Variants in NDUFS4 observed in about 807,000 individuals in gnomAD.
NDUFS4 encodes the protein NADH:ubiquinone oxidoreductase subunit S4, also known as NADH dehydrogenase [ubiquinone] iron-sulfur protein 4, mitochondrial.
In NDUFS4, 28 loss-of-function variants were observed where a neutral mutation model predicts 24.3. The ratio of observed to expected loss-of-function variants is 1.15; its 90% CI spans 0.85 to 1.58. The LOEUF is 1.58. NDUFS4 is among the 40% of genes most tolerant of loss of function. NDUFS4 has a pLI of 0.00. For missense variants in NDUFS4, 223 were observed against 207.9 expected (o/e 1.07, Z -0.45); for synonymous variants, 93 against 69.7 (o/e 1.34, Z -1.67).
At chr5:53,563,568 C>G (rs1222131422) in intron 1 of NDUFS4, among the ~76,000 whole-genome samples, 1 of 151,552 alleles carries the variant, frequency 6.6e-6, no homozygotes, top group African/African-American at 2.4e-5. Context: ...GTGGCACAAT[C>G]TCAGTTCACT....
chr5:53,675,969 T>C (rs77442096), intron 4 of NDUFS4, among the ~76,000 whole-genome samples: 3,194 of 152,282 alleles, frequency 0.021, 119 homozygotes, highest in African/African-American at 0.072. Context: ...GATAAATCTA[T>C]AGGATGTCTC....
chr5:53,580,946 G>T (rs544284865), intron 1 of NDUFS4, among the ~76,000 whole-genome samples: 7 of 151,958 alleles, frequency 4.6e-5, no homozygotes, highest in Non-Finnish European at 4.4e-5. Flanking sequence ...CGATTCTCCT[G>T]CCCCAGCCTC....
chr5:53,616,391 G>A (rs1316745908), intron 2 of NDUFS4, among the ~76,000 whole-genome samples: 1 of 152,120 alleles, frequency 6.6e-6, no homozygotes, highest in Non-Finnish European at 1.5e-5. Flanking sequence ...GCTAGGTGAT[G>A]AGACAGAGAA....
At chr5:53,571,548 G>C (rs62370038) in intron 1 of NDUFS4, among the ~76,000 whole-genome samples, 35 of 152,166 alleles carry the variant, frequency 2.3e-4, no homozygotes, top group Non-Finnish European at 4.6e-4. Context: ...ATACCTCGGA[G>C]TAGAATTGCA....
chr5:53,639,566 G>A (rs112081593), intron 2 of NDUFS4, among the ~76,000 whole-genome samples: 1 of 151,870 alleles, frequency 6.6e-6, no homozygotes, highest in Non-Finnish European at 1.5e-5. Flanking sequence ...TTGACATCTT[G>A]TATAAAATGT....
At chr5:53,576,948 T>C (rs1325778962) in intron 1 of NDUFS4, among the ~76,000 whole-genome samples, 1 of 152,132 alleles carries the variant, frequency 6.6e-6, no homozygotes, top group Non-Finnish European at 1.5e-5. Context: ...GAACATCTGT[T>C]TTGAGGATTA....
intron 1 of NDUFS4, chr5:53,573,801 A>G (rs1281114985): frequency 8.4e-6 from 2 of 238,436 alleles, no homozygotes; most frequent in Middle Eastern, 7.0e-4. Context: ...TATATTGCCC[A>G]TGCTTGTCTC....
chr5:53,561,024 T>C (rs1160755029), intron 1 of NDUFS4, among the ~76,000 whole-genome samples: 1 of 152,158 alleles, frequency 6.6e-6, no homozygotes, highest in Non-Finnish European at 1.5e-5. Flanking sequence ...AGAGGGTCCG[T>C]GGAGGTTTTG....
rs576255851 is a variant in NDUFS4, at chr5:53,667,425, A to G, written c.424+8801A>G. Among the ~76,000 whole-genome samples the G allele has an allele frequency of 8.0e-5, 12 of 150,638 alleles. No individual in the cohort carries two copies. The East Asian group carries it at 1.6e-3, about 20-fold the overall frequency. On this transcript the variant is annotated intron_variant, in intron 4 of 4. Coordinates refer to ENST00000296684, the MANE Select transcript of NDUFS4 (RefSeq NM_002495.4). ...GGTTGCAGTGAGCTGAGATCGTGCCATTGCACTCCAGCCTGGGCAACAAGC... is the reference window on the plus strand; with the variant it reads ...GGTTGCAGTGAGCTGAGATCGTGCCGTTGCACTCCAGCCTGGGCAACAAGC...
At position 53,591,243 on chromosome 5, in the gene NDUFS4, G is replaced by A. The variant is rs546411301; in HGVS notation, c.99-12209G>A. Among the ~76,000 whole-genome samples the A allele has an allele frequency of 3.3e-5, 5 of 152,246 alleles. No individual in the cohort carries two copies. In the East Asian group the frequency reaches 7.7e-4, roughly 24 times the overall value. On this transcript the variant is annotated intron_variant, in intron 1 of 4. Transcript: ENST00000296684. The stretch of plus-strand genomic sequence containing the variant: ...GAATAATGCTGCTATAATCATGAGT[G>A]TACAGATATCTGTTCTAGTCCCTGC...
intron 1 of NDUFS4, among the ~76,000 whole-genome samples, chr5:53,599,977 A>G (rs548820745): frequency 1.6e-4 from 25 of 151,934 alleles, no homozygotes; most frequent in Non-Finnish European, 3.2e-4. Flanking sequence ...CTTTGTAGGT[A>G]TAATTTTTAT....
chr5:53,635,205 A>AAAT lies in NDUFS4; in HGVS notation c.178-11025_178-11023dup, dbSNP rs1349921306. Among the ~76,000 whole-genome samples the AAAT allele has an allele frequency of 2.0e-5, 3 of 151,668 alleles. No individual in the cohort carries two copies. In the East Asian group the frequency reaches 5.8e-4, roughly 29 times the overall value. Reference sequence around the variant, plus strand: ...AACTCTGTTAAATAAATAAATAAATAAATAAATAACCAACCAACCAACCAA... The same window carrying AAAT: ...AACTCTGTTAAATAAATAAATAAATAAATAATAAATAACCAACCAACCAACCAA... On this transcript the variant is annotated intron_variant, in intron 2 of 4. Transcript: ENST00000296684.
intron 1 of NDUFS4, among the ~76,000 whole-genome samples, chr5:53,594,101 T>C (rs1361614516): frequency 1.3e-5 from 2 of 152,166 alleles, no homozygotes; most frequent in Non-Finnish European, 2.9e-5. Context: ...TCTTAACTGA[T>C]ACTCTGTCTA....
At chr5:53,651,966 G>T (rs1382203434) in intron 3 of NDUFS4, among the ~76,000 whole-genome samples, 1 of 151,864 alleles carries the variant, frequency 6.6e-6, no homozygotes, top group Non-Finnish European at 1.5e-5. Flanking sequence ...GTAGAGATGG[G>T]GTTTCACCGT....
intron 2 of NDUFS4, among the ~76,000 whole-genome samples, chr5:53,606,702 A>T (rs903962775): frequency 6.6e-6 from 1 of 152,190 alleles, no homozygotes; most frequent in Non-Finnish European, 1.5e-5. Flanking sequence ...ATAAGAACTG[A>T]CTATCACTAA....
intron 1 of NDUFS4, among the ~76,000 whole-genome samples, chr5:53,600,154 C>T (rs139937271): frequency 0.058 from 8,806 of 152,016 alleles, 353 homozygotes; most frequent in Non-Finnish European, 0.084. Flanking sequence ...CATGCACCAC[C>T]ACGCCCAGCT....
At chr5:53,564,988 C>G (rs984595140) in intron 1 of NDUFS4, among the ~76,000 whole-genome samples, 4 of 152,182 alleles carry the variant, frequency 2.6e-5, no homozygotes, top group Non-Finnish European at 5.9e-5. Flanking sequence ...AAAGTATTCA[C>G]TACCACTGTC....
intron 1 of NDUFS4, among the ~76,000 whole-genome samples, chr5:53,585,991 G>A (rs1272166686): frequency 6.6e-6 from 1 of 151,998 alleles, no homozygotes; most frequent in African/African-American, 2.4e-5. Context: ...AAATGGCATT[G>A]CTTTGCTGAC....
intron 2 of NDUFS4, among the ~76,000 whole-genome samples, chr5:53,644,940 G>A (rs1370130092): frequency 2.0e-5 from 3 of 152,004 alleles, no homozygotes; most frequent in Admixed American, 6.6e-5. Context: ...AATGTGTTTC[G>A]TGTTTTTCCC....
Sources: allele counts gnomAD v4.1 joint callset (sites outside exome capture counted in the v4.1 genomes callset), GRCh38; gene constraint gnomAD v4.1.1; transcripts MANE v1.5; gene names NCBI Gene and HGNC (gene_info 2026-07-23, HGNC 2026-07-21).